ST3GAL5: variants seen among roughly 807,000 people sequenced by gnomAD.
ST3GAL5 encodes lactosylceramide alpha-2,3-sialyltransferase.
Under a neutral mutation model 46.1 loss-of-function variants are expected in ST3GAL5, and 25 were observed. The ratio of observed to expected loss-of-function variants is 0.54; its 90% confidence interval spans 0.40 to 0.76. ST3GAL5 has a LOEUF of 0.76. ST3GAL5 is among the 30% of genes least tolerant of loss of function. The probability of loss-of-function intolerance (pLI) is 0.00; values close to 1 mark genes in which losing one functional copy is unlikely to be tolerated. For synonymous variants in ST3GAL5, 182 were observed against 192.7 expected, an observed-to-expected ratio of 0.94 and a Z score of 0.46; for missense variants, 431 against 521.2, an observed-to-expected ratio of 0.83 and a Z score of 1.69.
intron 2 of ST3GAL5, among the ~76,000 whole-genome samples, chr2:85,861,839 ACACG>A (rs1159268909): frequency 5.9e-5 from 9 of 151,666 alleles, no homozygotes; most frequent in Non-Finnish European, 1.0e-4. Context: ...ACACACACAC[ACACG>A]ACTTGGAGAA....
intron 5 of ST3GAL5, 82 bp from the exon 6 acceptor site, chr2:85,844,636 G>T: frequency 6.3e-7 from 1 of 1,587,248 alleles, no homozygotes; most frequent in Admixed American, 1.7e-5. Context: ...CCAAGGCTGT[G>T]GGTGTGACCC....
rs549326241 is a variant in ST3GAL5 at position 85,867,604 on chromosome 2, C to T, written c.83-4119G>A. On this transcript the variant is annotated intron_variant, in intron 1 of 6. Transcript: ENST00000638572. ...GAAAGAAACGTGTGATGGGGACTTA[C>T]GAACAGAAGCCATGTCCTGGGTGGC... 4.1e-5 allele frequency: 32 copies of T among 780,938 alleles called. 1 individual carries two copies. In the East Asian group the frequency reaches 6.8e-4, roughly 17 times the overall value. 48.4% of individuals were successfully genotyped at this position (780,938 alleles called of 1,614,324 possible). A position where few individuals can be genotyped will look rare whatever the true frequency, so the allele number is the denominator to read the frequency against.
chr2:85,861,919 G>A (rs143685030), intron 2 of ST3GAL5, among the ~76,000 whole-genome samples: 160 of 151,540 alleles, frequency 1.1e-3, no homozygotes, highest in African/African-American at 3.7e-3. Context: ...GACACAAACC[G>A]CAAGCTAAAA....
At chr2:85,886,616 C>A (rs546917399) in intron 1 of ST3GAL5, among the ~76,000 whole-genome samples, 2 of 152,224 alleles carry the variant, frequency 1.3e-5, no homozygotes, top group South Asian at 4.2e-4. Flanking sequence ...GTCCTTGAAG[C>A]CTCAAAGCTG....
chr2:85,861,097 G>T, intron 3 of ST3GAL5, 84 bp downstream of exon 3: 1 of 977,128 alleles, frequency 1.0e-6, no homozygotes, highest in Non-Finnish European at 1.6e-6. Context: ...ACATATATTT[G>T]TCACACAGTA....
chr2:85,859,820 T>G (rs190567147), intron 3 of ST3GAL5, among the ~76,000 whole-genome samples: 19 of 152,340 alleles, frequency 1.2e-4, no homozygotes, highest in Admixed American at 1.0e-3. Context: ...TTGAGAAAAC[T>G]GGGACTCAAA....
chr2:85,843,040 C>T (rs1358928535), intron 6 of ST3GAL5, among the ~76,000 whole-genome samples: 5 of 152,150 alleles, frequency 3.3e-5, no homozygotes, highest in Admixed American at 3.3e-4. Context: ...TTACAGGCGT[C>T]TGCAACCGCG....
intron 4 of ST3GAL5, 92 bp from the exon 5 acceptor site, chr2:85,846,655 T>C: frequency 2.4e-6 from 3 of 1,247,644 alleles, no homozygotes; most frequent in Non-Finnish European, 2.3e-6. Context: ...GTCCTCCACG[T>C]CTTCTTATGA....
At chr2:85,874,932 A>C (rs1686356178) in intron 1 of ST3GAL5, among the ~76,000 whole-genome samples, 1 of 152,080 alleles carries the variant, frequency 6.6e-6, no homozygotes, top group Admixed American at 6.6e-5. Context: ...GGCACCAGGC[A>C]GATGGAAAAC....
chr2:85,882,834 CAA>C (rs71377050), intron 1 of ST3GAL5, among the ~76,000 whole-genome samples: 5 of 132,300 alleles, frequency 3.8e-5, no homozygotes, highest in African/African-American at 1.1e-4. Context: ...GACTCTGTCT[CAA>C]AAAAAAAAAA....
At chr2:85,864,284 C>T (rs1333613692) in intron 1 of ST3GAL5, among the ~76,000 whole-genome samples, 1 of 152,046 alleles carries the variant, frequency 6.6e-6, no homozygotes, top group African/African-American at 2.4e-5. Context: ...CATGTGAATA[C>T]AATTATCCTA....
intron 3 of ST3GAL5, chr2:85,856,418 T>A (rs1684116016): frequency 6.6e-6 from 1 of 152,058 alleles, no homozygotes; most frequent in African/African-American, 2.4e-5. Flanking sequence ...TGCCTAGGAT[T>A]TGTGGGGAGG....
chr2:85,875,945 C>T (rs1686513002), intron 1 of ST3GAL5, among the ~76,000 whole-genome samples: 1 of 152,182 alleles, frequency 6.6e-6, no homozygotes, highest in African/African-American at 2.4e-5. Flanking sequence ...CCCCTCCCCA[C>T]AGGAGAGGTT....
intron 2 of ST3GAL5, among the ~76,000 whole-genome samples, chr2:85,862,485 C>T (rs1487417618): frequency 6.8e-6 from 1 of 147,484 alleles, no homozygotes; most frequent in Non-Finnish European, 1.5e-5. Flanking sequence ...GCATACACTT[C>T]CCTTATTTTG....
intron 6 of ST3GAL5, among the ~76,000 whole-genome samples, chr2:85,841,292 T>C (rs943448114): frequency 3.3e-5 from 5 of 151,918 alleles, no homozygotes; most frequent in Non-Finnish European, 7.4e-5. Context: ...GTAGAGCTGC[T>C]AAGCCAGTTT....
At chr2:85,873,331 C>T (rs920554392) in intron 1 of ST3GAL5, among the ~76,000 whole-genome samples, 1 of 152,164 alleles carries the variant, frequency 6.6e-6, no homozygotes, top group East Asian at 1.9e-4. Flanking sequence ...CTCAGCAAAT[C>T]AGGAGTCAAG....
intron 6 of ST3GAL5, among the ~76,000 whole-genome samples, chr2:85,842,946 C>G (rs1682330886): frequency 6.6e-6 from 1 of 151,970 alleles, no homozygotes; most frequent in Non-Finnish European, 1.5e-5. Context: ...TTAGTAGAGA[C>G]AGGGTTTCTC....
intron 1 of ST3GAL5, among the ~76,000 whole-genome samples, chr2:85,873,743 C>T (rs149963280): frequency 2.6e-5 from 4 of 152,228 alleles, no homozygotes; most frequent in African/African-American, 4.8e-5. Flanking sequence ...CCAGGCCTGA[C>T]GCCCCAGGAG....
intron 6 of ST3GAL5, among the ~76,000 whole-genome samples, chr2:85,842,451 A>T (rs1379210785): frequency 1.3e-5 from 2 of 152,216 alleles, no homozygotes; most frequent in African/African-American, 2.4e-5. Context: ...ATGCCCTTTG[A>T]GATCACATCT....
Sources: allele counts gnomAD v4.1 joint callset (sites outside exome capture counted in the v4.1 genomes callset), GRCh38; gene constraint gnomAD v4.1.1; transcripts MANE v1.5; gene names NCBI Gene and HGNC (gene_info 2026-07-23, HGNC 2026-07-21).